Variants in KIF6 observed in about 807,000 individuals in gnomAD.
KIF6 encodes kinesin-like protein KIF6.
A neutral mutation model predicts 112.7 loss-of-function variants in KIF6; 106 were observed. The ratio of observed to expected loss-of-function variants is 0.94; its 90% CI spans 0.80 to 1.11. The LOEUF is 1.11. Ranked by LOEUF, KIF6 falls within the 50% of genes least tolerant of loss-of-function variation. The probability of loss-of-function intolerance (pLI) is 0.00; values close to 1 mark genes in which losing one functional copy is unlikely to be tolerated. For synonymous variants in KIF6, 339 were observed against 339.9 expected (o/e 1.00, Z 0.03); for missense variants, 929 against 964.0 (o/e 0.96, Z 0.48).
At chr6:39,718,059 TC>T (rs1789963102) in intron 2 of KIF6, among the ~76,000 whole-genome samples, 1 of 151,438 alleles carries the variant, frequency 6.6e-6, no homozygotes, top group African/African-American at 2.4e-5. Context: ...AAACCCTGTC[TC>T]TACTAAAAAT....
intron 16 of KIF6, among the ~76,000 whole-genome samples, chr6:39,376,290 A>G (rs1048531488): frequency 1.3e-5 from 2 of 152,142 alleles, no homozygotes; most frequent in African/African-American, 4.8e-5. Context: ...AAGCTCTCCC[A>G]TGTCTCCGCA....
chr6:39,596,408 T>A, intron 6 of KIF6, 148 bp from the exon 7 acceptor site: 1 of 624,660 alleles, frequency 1.6e-6, no homozygotes, highest in Non-Finnish European at 2.8e-6. Context: ...CTGAGACCTT[T>A]AAAGTAAGTT....
chr6:39,429,047 T>C (rs1770957528), intron 14 of KIF6, among the ~76,000 whole-genome samples: 1 of 152,216 alleles, frequency 6.6e-6, no homozygotes, highest in Non-Finnish European at 1.5e-5. Context: ...AAGTAGTTCT[T>C]TTGACTAGGA....
chr6:39,392,972 C>A (rs2150326324), intron 15 of KIF6, among the ~76,000 whole-genome samples: 1 of 152,200 alleles, frequency 6.6e-6, no homozygotes, highest in East Asian at 1.9e-4. Flanking sequence ...ATAAATCCAC[C>A]CCCACACATA....
intron 13 of KIF6, among the ~76,000 whole-genome samples, chr6:39,455,888 G>A (rs1168323430): frequency 4.3e-5 from 5 of 116,560 alleles, no homozygotes; most frequent in East Asian, 5.5e-4. Context: ...CCAAATCTAC[G>A]TCTGATTGGT....
At position 39,613,482 on chromosome 6, in the gene KIF6, C is replaced by T. The variant is rs1262216853; in HGVS notation, c.510-164G>A. Among the ~76,000 whole-genome samples the T allele has an allele frequency of 2.0e-5, 3 of 152,168 alleles. No homozygotes were observed. The East Asian group carries it at 5.8e-4, about 29-fold the overall frequency. ...GCACTGGATTAGAATCAAACACTGA[C>T]ATTCCCTTCACAGTACTATCAAATA... is the stretch of plus-strand genomic sequence containing the variant. On this transcript the variant is annotated intron_variant, in intron 5 of 22. Transcript: ENST00000287152.
intron 15 of KIF6, among the ~76,000 whole-genome samples, chr6:39,405,793 T>C (rs1241917133): frequency 6.6e-6 from 1 of 152,226 alleles, no homozygotes; most frequent in Non-Finnish European, 1.5e-5. Context: ...GGTAGAATAC[T>C]ACAATGAAAC....
At chr6:39,671,246 G>T (rs1401327332) in intron 3 of KIF6, among the ~76,000 whole-genome samples, 1 of 152,218 alleles carries the variant, frequency 6.6e-6, no homozygotes, top group Non-Finnish European at 1.5e-5. Context: ...GGATGTGAAA[G>T]GATTTGTAGT....
At chr6:39,425,744 C>T (rs116687438) in intron 14 of KIF6, among the ~76,000 whole-genome samples, 1,979 of 146,122 alleles carry the variant, frequency 0.014, 22 homozygotes, top group Non-Finnish European at 0.02. Flanking sequence ...CTAATCTAAT[C>T]TCTGCTCTCA....
At chr6:39,336,972 C>A (rs1400936153) in intron 22 of KIF6, among the ~76,000 whole-genome samples, 2 of 139,202 alleles carry the variant, frequency 1.4e-5, no homozygotes, top group South Asian at 4.4e-4. Context: ...TTCATTCTTT[C>A]TCTCTTTCTC....
chr6:39,497,173 C>T (rs985711804), intron 13 of KIF6, among the ~76,000 whole-genome samples: 1 of 152,234 alleles, frequency 6.6e-6, no homozygotes, highest in East Asian at 1.9e-4. Context: ...CAGGAGCCAG[C>T]CTGCCAAAAT....
At chr6:39,421,666 G>A (rs1484100311) in intron 14 of KIF6, among the ~76,000 whole-genome samples, 8 of 152,204 alleles carry the variant, frequency 5.3e-5, no homozygotes, top group Non-Finnish European at 8.8e-5. Flanking sequence ...TCCAGGGAAG[G>A]GGACTAAAGT....
chr6:39,350,615 C>T (rs1305829199), intron 19 of KIF6, among the ~76,000 whole-genome samples: 3 of 152,146 alleles, frequency 2.0e-5, no homozygotes, highest in Non-Finnish European at 4.4e-5. Flanking sequence ...ATGCCAACAG[C>T]GAATCCTTCA....
chr6:39,636,056 G>A (rs1238537325), intron 4 of KIF6, among the ~76,000 whole-genome samples: 1 of 151,894 alleles, frequency 6.6e-6, no homozygotes, highest in Non-Finnish European at 1.5e-5. Flanking sequence ...ACAGAGATAG[G>A]AGAGAGAATA....
At chr6:39,510,088 T>A (rs1776677082) in intron 13 of KIF6, among the ~76,000 whole-genome samples, 1 of 140,980 alleles carries the variant, frequency 7.1e-6, no homozygotes, top group African/African-American at 2.8e-5. Context: ...AACATTCTTT[T>A]CTTTTCTTTT....
intron 10 of KIF6, chr6:39,554,057 G>T: frequency 6.4e-6 from 1 of 156,218 alleles, no homozygotes; most frequent in South Asian, 1.8e-4. Context: ...AGCATCAGTG[G>T]AAAGGCATGG....
intron 7 of KIF6, among the ~76,000 whole-genome samples, chr6:39,589,892 T>C (rs150097743): frequency 1.2e-3 from 177 of 152,376 alleles, no homozygotes; most frequent in Non-Finnish European, 2.2e-3. Flanking sequence ...TTAAAATAGC[T>C]AGAGCAGATT....
chr6:39,631,356 T>C (rs1784343310), intron 5 of KIF6, among the ~76,000 whole-genome samples: 1 of 152,106 alleles, frequency 6.6e-6, no homozygotes, highest in Non-Finnish European at 1.5e-5. Context: ...CATTGTTGCA[T>C]TGTTTCTGAT....
rs765709534 is a variant in KIF6 at position 39,362,386 on chromosome 6, A to ACCCAAG, written c.1946+47_1946+48insCTTGGG. On this transcript the variant is annotated intron_variant, in intron 17 of 22. Transcript: ENST00000287152. ...TGGGAAGCTCCAGGACGACACTGAG[A>ACCCAAG]CCCTGGGAGGCTGGGCTCGGACTGT... The ACCCAAG allele has an allele frequency of 2.1e-6, 3 of 1,425,522 alleles. No individual in the cohort carries two copies. In the Admixed American group the frequency reaches 5.0e-5, roughly 24 times the overall value. The allele number at this position is 1,425,522 out of a possible 1,614,324, so 88.3% of individuals were successfully genotyped here.
Sources: allele counts gnomAD v4.1 joint callset (sites outside exome capture counted in the v4.1 genomes callset), GRCh38; gene constraint gnomAD v4.1.1; transcripts MANE v1.5; gene names NCBI Gene and HGNC (gene_info 2026-07-23, HGNC 2026-07-21).